Variants in RAP1GDS1 observed in about 807,000 individuals in gnomAD.
The protein encoded by RAP1GDS1 is RAP1, GTP-GDP dissociation stimulator 1.
RAP1GDS1 carries 35 observed loss-of-function variants against 71.1 expected under a neutral mutation model. That is an observed-to-expected ratio of 0.49 (90% confidence interval 0.38 to 0.65). RAP1GDS1 has a LOEUF of 0.65. Among genes scored for constraint, RAP1GDS1 ranks in the 30% least tolerant of loss-of-function variants. The pLI is 0.00. For synonymous variants in RAP1GDS1, 229 were observed against 243.1 expected (o/e 0.94, Z 0.54); for missense variants, 663 against 706.1 (o/e 0.94, Z 0.69).
chr4:98,338,053 AT>A (rs1734949755), intron 2 of RAP1GDS1, among the ~76,000 whole-genome samples: 2 of 152,144 alleles, frequency 1.3e-5, no homozygotes, highest in South Asian at 4.1e-4. Flanking sequence ...TGAGGAGGCT[AT>A]TGCATTTAAC....
At chr4:98,275,634 C>T (rs969131360) in intron 1 of RAP1GDS1, among the ~76,000 whole-genome samples, 2 of 152,080 alleles carry the variant, frequency 1.3e-5, no homozygotes, top group African/African-American at 2.4e-5. Context: ...AAAAATTTTA[C>T]GTAGGCAATG....
At chr4:98,363,378 GGAGGCT>G (rs2110447135) in intron 4 of RAP1GDS1, among the ~76,000 whole-genome samples, 1 of 150,632 alleles carries the variant, frequency 6.6e-6, no homozygotes, top group East Asian at 2.0e-4. Context: ...CAGCTACTCT[GGAGGCT>G]GAGGTGGGAG....
intron 2 of RAP1GDS1, among the ~76,000 whole-genome samples, chr4:98,314,869 A>G (rs867279308): frequency 1.3e-5 from 2 of 152,306 alleles, no homozygotes; most frequent in South Asian, 2.1e-4. Context: ...TAGACATTTT[A>G]TAGGTATACC....
chr4:98,303,064 A>G (rs1434250239), intron 2 of RAP1GDS1, among the ~76,000 whole-genome samples: 1 of 151,796 alleles, frequency 6.6e-6, no homozygotes. Context: ...AAAAAAAAAA[A>G]GAGGAAAGAA....
In RAP1GDS1 at chr4:98,442,936, C is replaced by T. The variant is rs1335699594; in HGVS notation, c.*819C>T. ...CTTCTACCAGTTAATCAGCATTATCCAGCACTTGTCTTTAAAATTCATTTG... is the reference window on the plus strand; with the variant it reads ...CTTCTACCAGTTAATCAGCATTATCTAGCACTTGTCTTTAAAATTCATTTG... On this transcript the variant is annotated 3_prime_UTR_variant, in exon 15 of 15. Coordinates refer to ENST00000408927, the MANE Select transcript of RAP1GDS1 (RefSeq NM_001100427.2). 4.4e-6 allele frequency: 1 copy of T among 228,986 alleles called. No individual in the cohort carries two copies. The highest frequency in any genetic ancestry group is 8.6e-6 in the Non-Finnish European group (1 of 116,232). 14.2% of individuals were successfully genotyped at this position (228,986 alleles called of 1,614,324 possible). A position where few individuals can be genotyped will look rare whatever the true frequency, so the allele number is the denominator to read the frequency against.
At chr4:98,405,662 G>A (rs979909250) in intron 7 of RAP1GDS1, among the ~76,000 whole-genome samples, 1 of 151,942 alleles carries the variant, frequency 6.6e-6, no homozygotes, top group African/African-American at 2.4e-5. Flanking sequence ...ACATCTAGAT[G>A]CCTCATACTG....
At chr4:98,351,352 A>G (rs1178371243) in intron 3 of RAP1GDS1, among the ~76,000 whole-genome samples, 1 of 152,190 alleles carries the variant, frequency 6.6e-6, no homozygotes, top group East Asian at 1.9e-4. Context: ...ATTTACAGCT[A>G]TCTTAGGAGG....
At chr4:98,384,620 T>G (rs1056320127) in intron 5 of RAP1GDS1, among the ~76,000 whole-genome samples, 6 of 151,666 alleles carry the variant, frequency 4.0e-5, no homozygotes, top group African/African-American at 1.4e-4. Context: ...TGCTGTTACT[T>G]AATGAACAGG....
intron 2 of RAP1GDS1, among the ~76,000 whole-genome samples, chr4:98,307,191 A>G (rs980203155): frequency 1.3e-5 from 2 of 151,712 alleles, no homozygotes; most frequent in Non-Finnish European, 2.9e-5. Flanking sequence ...CCTTATACAT[A>G]TTTCTATCAT....
rs538204400 is a variant in RAP1GDS1, at chr4:98,327,590, C to T, written c.113-15549C>T. ...GATTTTTTTGTTTTTGTTTTTAACA[C>T]GAGTGACTCTTGATTTCAACAGCTT... On this transcript the variant is annotated intron_variant, in intron 2 of 14. Coordinates refer to ENST00000408927, the MANE Select transcript of RAP1GDS1 (RefSeq NM_001100427.2). Among the ~76,000 whole-genome samples the T allele has an allele frequency of 1.6e-4, 25 of 152,242 alleles. No homozygotes were observed. The East Asian group carries it at 1.7e-3, about 11-fold the overall frequency.
chr4:98,262,433 T>A lies in RAP1GDS1; in HGVS notation c.4+864T>A, dbSNP rs542399711. ...TTTGGATGAGAGATTTAAGAGCAAATATGTTTTATAAAACGATATATACAT... is the reference window on the plus strand; with the variant it reads ...TTTGGATGAGAGATTTAAGAGCAAAAATGTTTTATAAAACGATATATACAT... On this transcript the variant is annotated intron_variant, in intron 1 of 14. Transcript: ENST00000408927. Among the ~76,000 whole-genome samples the A allele has an allele frequency of 2.6e-5, 4 of 152,342 alleles. No homozygotes were observed. The South Asian group carries it at 8.3e-4, about 32-fold the overall frequency.
intron 2 of RAP1GDS1, among the ~76,000 whole-genome samples, chr4:98,299,828 C>A (rs1465863158): frequency 6.6e-6 from 1 of 151,732 alleles, no homozygotes; most frequent in African/African-American, 2.4e-5. Flanking sequence ...ACCATATTGG[C>A]CAGGTTGGTC....
intron 12 of RAP1GDS1, among the ~76,000 whole-genome samples, chr4:98,424,055 AG>A (rs986922751): frequency 2.0e-5 from 3 of 152,210 alleles, no homozygotes; most frequent in African/African-American, 7.2e-5. Context: ...GACAGACCTG[AG>A]AAAAATATGG....
chr4:98,269,757 A>G (rs1170758021), intron 1 of RAP1GDS1, among the ~76,000 whole-genome samples: 1 of 152,158 alleles, frequency 6.6e-6, no homozygotes, highest in Non-Finnish European at 1.5e-5. Flanking sequence ...TTGGTTTCAG[A>G]TTTTTGGATT....
chr4:98,410,863 A>G (rs1008769865), intron 7 of RAP1GDS1, among the ~76,000 whole-genome samples: 2 of 152,224 alleles, frequency 1.3e-5, no homozygotes, highest in Non-Finnish European at 2.9e-5. Context: ...AGTGATTACC[A>G]TAATAACCAG....
chr4:98,434,619 C>CTT (rs557173513), intron 13 of RAP1GDS1, among the ~76,000 whole-genome samples: 158 of 134,438 alleles, frequency 1.2e-3, no homozygotes, highest in African/African-American at 3.8e-3. Context: ...TTTAACATAG[C>CTT]TTTTTTTTTT....
At chr4:98,420,917 T>C (rs145304517) in intron 11 of RAP1GDS1, among the ~76,000 whole-genome samples, 40 of 152,394 alleles carry the variant, frequency 2.6e-4, no homozygotes, top group African/African-American at 9.4e-4. Context: ...GAATGAATTA[T>C]GTTTATTTAC....
intron 2 of RAP1GDS1, among the ~76,000 whole-genome samples, chr4:98,320,264 C>T (rs1731612389): frequency 6.6e-6 from 1 of 152,154 alleles, no homozygotes; most frequent in Non-Finnish European, 1.5e-5. Context: ...TTAAATCCAA[C>T]ACATATACTT....
At chr4:98,400,546 A>AAAC (rs1553997226) in intron 6 of RAP1GDS1, among the ~76,000 whole-genome samples, 62 of 152,044 alleles carry the variant, frequency 4.1e-4, no homozygotes, top group African/African-American at 1.4e-3. Flanking sequence ...AAAAAAAAAA[A>AAAC]ACGGATACTA....
Sources: gnomAD v4.1 joint callset for allele counts (sites outside exome capture counted in the v4.1 genomes callset) on GRCh38, gnomAD v4.1.1 for gene constraint, MANE v1.5 for transcripts, NCBI Gene and HGNC (gene_info 2026-07-23, HGNC 2026-07-21) for gene names.